The following FRY variants were observed in gnomAD, a reference collection of about 807,000 sequenced individuals.
FRY encodes protein furry homolog.
FRY carries 128 observed loss-of-function variants against 348.4 expected under a neutral mutation model. The observed-to-expected ratio is 0.37, with a 90% CI of 0.32 to 0.43. The LOEUF (loss-of-function observed/expected upper bound fraction) is 0.43. FRY is among the 20% of genes least tolerant of loss of function. The probability of loss-of-function intolerance (pLI) is 1.00; values close to 1 mark genes in which losing one functional copy is unlikely to be tolerated. For missense variants in FRY, 2,736 were observed against 3,695.2 expected (o/e 0.74, Z 6.73); for synonymous variants, 1,370 against 1,374.7 (o/e 1.00, Z 0.08).
chr13:32,105,622 G>T (rs199518236), intron 3 of FRY, among the ~76,000 whole-genome samples: 1 of 152,202 alleles, frequency 6.6e-6, no homozygotes, highest in South Asian at 2.1e-4. Flanking sequence ...TATGGGAAAA[G>T]AATATGCTGG....
chr13:32,231,808 C>G (rs1222395514), intron 41 of FRY, among the ~76,000 whole-genome samples: 1 of 152,240 alleles, frequency 6.6e-6, no homozygotes, highest in Non-Finnish European at 1.5e-5. Context: ...TGTTTGCCTT[C>G]TGCTGAATTC....
intron 51 of FRY, among the ~76,000 whole-genome samples, chr13:32,258,495 C>A (rs972204209): frequency 2.6e-5 from 4 of 152,090 alleles, no homozygotes; most frequent in African/African-American, 9.7e-5. Flanking sequence ...CGCCTGTAAT[C>A]CCAGCTACCT....
chr13:32,294,849 C>A (rs185155317), intron 60 of FRY, among the ~76,000 whole-genome samples: 66 of 152,236 alleles, frequency 4.3e-4, no homozygotes, highest in African/African-American at 1.3e-3. Context: ...TGAATATATT[C>A]TTTTTGGTTT....
chr13:32,084,884 A>G, intron 2 of FRY, among the ~76,000 whole-genome samples: 1 of 115,678 alleles, frequency 8.6e-6, no homozygotes, highest in African/African-American at 2.7e-5. Flanking sequence ...ACATACACAC[A>G]TGCAAACACA....
intron 36 of FRY, 137 bp from the exon 37 acceptor site, chr13:32,224,098 T>TAAA: frequency 2.6e-6 from 2 of 783,252 alleles, no homozygotes; most frequent in African/African-American, 1.8e-5. Flanking sequence ...ACCCTGTCCC[T>TAAA]AAAAAAAATT....
At chr13:32,097,963 TAAAAC>T (rs140272353) in intron 2 of FRY, among the ~76,000 whole-genome samples, 26,790 of 151,968 alleles carry the variant, frequency 0.18, 2,643 homozygotes, top group East Asian at 0.24. Context: ...ATTTAAAACT[TAAAAC>T]AAGACATATA....
chr13:32,249,712 C>G, intron 49 of FRY, 25 bp downstream of exon 49: 1 of 1,607,816 alleles, frequency 6.2e-7, no homozygotes, highest in Non-Finnish European at 8.5e-7. Context: ...ACCCACAGTC[C>G]TGGGAGGGAG....
At chr13:32,049,736 G>A (rs1236681094) in intron 1 of FRY, among the ~76,000 whole-genome samples, 3 of 152,200 alleles carry the variant, frequency 2.0e-5, no homozygotes, top group Non-Finnish European at 2.9e-5. Flanking sequence ...TAAAGTAGTA[G>A]CAGAGGAGTT....
intron 18 of FRY, among the ~76,000 whole-genome samples, chr13:32,172,774 G>C (rs1040805381): frequency 1.3e-5 from 2 of 152,072 alleles, no homozygotes; most frequent in Non-Finnish European, 2.9e-5. Context: ...ATGCCAACAC[G>C]ATAGGTAGAA....
intron 22 of FRY, among the ~76,000 whole-genome samples, chr13:32,179,416 T>C (rs1195521163): frequency 6.6e-6 from 1 of 151,998 alleles, no homozygotes; most frequent in African/African-American, 2.4e-5. Flanking sequence ...TAGACTTAAA[T>C]GGTTTTAAAA....
At position 32,239,461 on chromosome 13, in the gene FRY, A is replaced by G; in HGVS notation, c.6516+112A>G. 1.3e-6 allele frequency: 1 copy of G among 776,270 alleles called. No homozygotes were observed. The highest frequency in any genetic ancestry group is 2.3e-6 in the Non-Finnish European group (1 of 429,048). 48.1% of individuals were successfully genotyped at this position (776,270 alleles called of 1,614,324 possible). A position where few individuals can be genotyped will look rare whatever the true frequency, so the allele number is the denominator to read the frequency against. On this transcript the variant is annotated intron_variant, in intron 45 of 60. Transcript: ENST00000542859. This position sits in a 1 kb window ranked among gnomAD's most constrained non-coding sequence, Gnocchi z 4.3. ...GCAGTGATTTTCTCAAAAACTGGAA[A>G]TAATAACTAATATCACAGTAATGGA...
chr13:32,264,221 C>T (rs932200787), intron 53 of FRY, among the ~76,000 whole-genome samples: 1 of 152,150 alleles, frequency 6.6e-6, no homozygotes, highest in Non-Finnish European at 1.5e-5. Flanking sequence ...AGACCAGGCA[C>T]CAGTGGCCAG....
At chr13:32,099,541 C>T (rs1232301215) in intron 2 of FRY, among the ~76,000 whole-genome samples, 3 of 151,946 alleles carry the variant, frequency 2.0e-5, no homozygotes, top group South Asian at 4.1e-4. Context: ...CAAAGAAATA[C>T]GATTTTGAAA....
rs542763059 is a variant in FRY, at chr13:32,237,802, G to A, written c.6234G>A (p.Lys2078=). 3.6e-5 allele frequency: 58 copies of A among 1,614,186 alleles called. 1 individual carries two copies. In the South Asian group the frequency reaches 6.4e-4, roughly 18 times the overall value. ...SRLLAHMPLD[K]AENREKLEKL... ...TACTGGCACATATGCCACTCGATAA[G>A]GCTGAGAACCGAGAAAAGCTTGAGA... Residue 2078 remains lysine, a synonymous_variant, in exon 44 of 61, where the codon AAG becomes AAA. Coordinates refer to ENST00000542859, the MANE Select transcript of FRY (RefSeq NM_023037.3). The surrounding 1 kb of genome is among the most constrained non-coding windows in gnomAD (Gnocchi z 6.3).
intron 1 of FRY, among the ~76,000 whole-genome samples, chr13:32,049,589 C>T (rs1873215045): frequency 1.3e-5 from 2 of 152,156 alleles, no homozygotes; most frequent in African/African-American, 4.8e-5. Flanking sequence ...CGCTCGCCAC[C>T]ACACCCAACC....
At chr13:32,246,287 T>C (rs1401407428) in intron 47 of FRY, among the ~76,000 whole-genome samples, 1 of 152,248 alleles carries the variant, frequency 6.6e-6, no homozygotes, top group African/African-American at 2.4e-5. Context: ...CAAAAAATAA[T>C]AATAACAACT....
At chr13:32,227,924 G>A (rs1885676560) in intron 39 of FRY, among the ~76,000 whole-genome samples, 1 of 152,024 alleles carries the variant, frequency 6.6e-6, no homozygotes, top group Non-Finnish European at 1.5e-5. Flanking sequence ...GCTAATTTTT[G>A]TATTTTTGGT....
Position 32,274,703 on chromosome 13 carries a change from CAAAAAAAAAAAAAA to C in FRY, c.8137-126_8137-113del, listed in dbSNP as rs397723164. ...TGGGCGACAGAGCGAGATTCTGTCTCAAAAAAAAAAAAAAAAAAAAAAAAAATCAGTTAATGTAA... is the reference window on the plus strand; with the variant it reads ...TGGGCGACAGAGCGAGATTCTGTCTCAAAAAAAAAAAATCAGTTAATGTAA... On this transcript the variant is annotated intron_variant, in intron 55 of 60. Coordinates refer to ENST00000542859, the MANE Select transcript of FRY (RefSeq NM_023037.3). 148 of 306,758 alleles carry C rather than the reference CAAAAAAAAAAAAAA, an allele frequency of 4.8e-4. 1 individual carries two copies. The African/African-American group carries it at 6.0e-3, about 12-fold the overall frequency. 19.0% of individuals were successfully genotyped at this position (306,758 alleles called of 1,614,324 possible).
chr13:32,224,156 T>G, intron 36 of FRY, 79 bp from the exon 37 acceptor site: 1 of 1,303,710 alleles, frequency 7.7e-7, no homozygotes, highest in Non-Finnish European at 1.1e-6. Context: ...TTTTTAAAAT[T>G]TATTCTGAAA....
Sources: allele counts gnomAD v4.1 joint callset (sites outside exome capture counted in the v4.1 genomes callset), GRCh38; gene constraint gnomAD v4.1.1; non-coding constraint Gnocchi (gnomAD v3.1); transcripts MANE v1.5; gene names NCBI Gene and HGNC (gene_info 2026-07-23, HGNC 2026-07-21).